The following SYK variants were observed in gnomAD, a reference collection of about 807,000 sequenced individuals.
The protein encoded by SYK is spleen associated tyrosine kinase.
SYK carries 16 observed loss-of-function variants against 77.8 expected under a neutral mutation model. The observed-to-expected ratio is 0.21, with a 90% CI of 0.14 to 0.31. SYK has a LOEUF of 0.31. Ranked by LOEUF, SYK falls within the 10% of genes least tolerant of loss-of-function variation. The pLI is 1.00. For missense variants in SYK, 529 were observed against 814.4 expected (o/e 0.65, Z 4.26); for synonymous variants, 312 against 308.7 (o/e 1.01, Z -0.11).
intron 11 of SYK, among the ~76,000 whole-genome samples, chr9:90,882,870 A>G (rs1205871288): frequency 1.3e-5 from 2 of 152,166 alleles, no homozygotes; most frequent in African/African-American, 2.4e-5. Context: ...GATATGGGGA[A>G]AGCATAAATG....
At chr9:90,890,069 G>A (rs1276612405) in intron 13 of SYK, among the ~76,000 whole-genome samples, 3 of 152,238 alleles carry the variant, frequency 2.0e-5, no homozygotes, top group African/African-American at 7.2e-5. Flanking sequence ...TGAACTCGCA[G>A]TGGGGGAGTT....
rs58774010 is a variant in SYK at position 90,856,539 on chromosome 9, G to A, written c.579-5667G>A. ...TCATTTGTGTCCAATCTGCTCTTACGCTCATTCACTGATTTTTTTTAATTA... is the reference window on the plus strand; with the variant it reads ...TCATTTGTGTCCAATCTGCTCTTACACTCATTCACTGATTTTTTTTAATTA... On this transcript the variant is annotated intron_variant, in intron 3 of 13. Coordinates refer to ENST00000375754, the MANE Select transcript of SYK (RefSeq NM_003177.7). Among the ~76,000 whole-genome samples the A allele has an allele frequency of 4.7e-3, 710 of 149,542 alleles. 48 individuals are homozygous for A. In the East Asian group the frequency reaches 0.13, roughly 26 times the overall value.
At chr9:90,827,976 A>G (rs1027591889) in intron 1 of SYK, among the ~76,000 whole-genome samples, 5 of 46,534 alleles carry the variant, frequency 1.1e-4, no homozygotes, top group African/African-American at 5.9e-4. Flanking sequence ...AAAGAATGCT[A>G]GCGATTTTTT....
At chr9:90,848,023 G>A (rs1206693849) in intron 3 of SYK, among the ~76,000 whole-genome samples, 1 of 152,126 alleles carries the variant, frequency 6.6e-6, no homozygotes, top group African/African-American at 2.4e-5. Context: ...GCTGTTGCTG[G>A]GTGTGTAAAC....
intron 3 of SYK, among the ~76,000 whole-genome samples, chr9:90,847,380 G>C (rs1826639658): frequency 6.8e-6 from 1 of 146,016 alleles, no homozygotes; most frequent in Non-Finnish European, 1.5e-5. Flanking sequence ...CCTCTCCTTA[G>C]TTGTCTTCTT....
intron 9 of SYK, among the ~76,000 whole-genome samples, chr9:90,876,670 G>A (rs558070579): frequency 2.4e-4 from 36 of 152,230 alleles, no homozygotes; most frequent in Admixed American, 6.5e-4. Flanking sequence ...GAGAATTTGG[G>A]GAGAGGAGAG....
At chr9:90,813,394 T>G (rs290233) in intron 1 of SYK, among the ~76,000 whole-genome samples, 100,155 of 151,908 alleles carry the variant, frequency 0.66, 33,319 homozygotes, top group East Asian at 0.83. Flanking sequence ...GTTTACACTT[T>G]TTAATAAAAT....
intron 7 of SYK, among the ~76,000 whole-genome samples, chr9:90,868,588 T>A (rs927224232): frequency 6.6e-6 from 1 of 152,206 alleles, no homozygotes; most frequent in East Asian, 1.9e-4. Context: ...AAAGCAAATA[T>A]AAATAGTTCT....
At chr9:90,833,577 G>A (rs923724794) in intron 1 of SYK, among the ~76,000 whole-genome samples, 1 of 152,202 alleles carries the variant, frequency 6.6e-6, no homozygotes, top group Non-Finnish European at 1.5e-5. Flanking sequence ...GCTCAGGTGT[G>A]AGCATCTGTG....
intron 13 of SYK, among the ~76,000 whole-genome samples, chr9:90,891,312 AT>A (rs1386852141): frequency 6.6e-6 from 1 of 151,638 alleles, no homozygotes; most frequent in Non-Finnish European, 1.5e-5. Context: ...CGCCCAGCTA[AT>A]TTTTTTGTAT....
In SYK at chr9:90,844,099, G is replaced by A. The variant is rs1826480875; in HGVS notation, c.201G>A (p.Glu67=). 1 of 1,613,426 alleles carries A rather than the reference G, an allele frequency of 6.2e-7. No individual in the cohort carries two copies. Among genetic ancestry groups the A allele is most frequent in the Non-Finnish European group, 8.5e-7 (1 of 1,179,698 alleles). ...GGAAGGCACACCACTACACCATCGA[G>A]CGGGAGCTGAATGGCACCTACGCCA... is the stretch of plus-strand genomic sequence containing the variant. ...HGRKAHHYTI[E]RELNGTYAIA... The change falls in exon 2 of 14, where the codon GAG becomes GAA. Residue 67 remains glutamate (E), a synonymous_variant. Transcript: ENST00000375754.
Position 90,807,832 on chromosome 9 carries a change from A to C in SYK, c.-42+5939A>C, listed in dbSNP as rs200292099. On this transcript the variant is annotated intron_variant, in intron 1 of 13. Transcript: ENST00000375754. ...CACCCTCAGTCCCAGCCCTGCCCCC[A>C]GTCCCACTGTTGGGGAGCAGTTGGA... Among the ~76,000 whole-genome samples the C allele has an allele frequency of 1.8e-4, 28 of 152,300 alleles. No homozygotes were observed. In the East Asian group the frequency reaches 5.4e-3, roughly 29 times the overall value.
intron 1 of SYK, among the ~76,000 whole-genome samples, chr9:90,838,550 C>G (rs541604145): frequency 1.3e-5 from 2 of 152,274 alleles, no homozygotes; most frequent in Admixed American, 6.5e-5. Context: ...AGGAGCTCAC[C>G]AGACACCTGA....
chr9:90,817,201 C>G (rs1281357850), intron 1 of SYK, among the ~76,000 whole-genome samples: 1 of 152,156 alleles, frequency 6.6e-6, no homozygotes, highest in African/African-American at 2.4e-5. Context: ...ATTGCACATC[C>G]CTGCTCTAGA....
intron 12 of SYK, 120 bp from the exon 13 acceptor site, chr9:90,888,395 T>C: frequency 1.4e-6 from 1 of 739,694 alleles, no homozygotes; most frequent in Non-Finnish European, 2.1e-6. Flanking sequence ...CCTGTTTTTA[T>C]ACTTCGTATA....
intron 13 of SYK, 64 bp downstream of exon 13, chr9:90,888,691 G>A (rs934737648): frequency 2.0e-5 from 25 of 1,259,236 alleles, no homozygotes; most frequent in Middle Eastern, 1.9e-4. Context: ...ATGGTTGGGC[G>A]TCTAAAAAAA....
At chr9:90,814,866 A>G (rs1005280787) in intron 1 of SYK, among the ~76,000 whole-genome samples, 1 of 9,994 alleles carries the variant, frequency 1.0e-4, no homozygotes, top group Non-Finnish European at 2.9e-4. Context: ...ACACACACAC[A>G]AAATAATGTT....
intron 11 of SYK, 78 bp from the exon 12 acceptor site, chr9:90,887,671 G>C: frequency 6.8e-7 from 1 of 1,468,036 alleles, no homozygotes; most frequent in Non-Finnish European, 9.1e-7. Context: ...CCAAAGTGCT[G>C]GGATTACAGG....
intron 1 of SYK, among the ~76,000 whole-genome samples, chr9:90,822,297 G>C (rs1022786348): frequency 2.0e-5 from 3 of 152,128 alleles, no homozygotes; most frequent in African/African-American, 7.2e-5. Flanking sequence ...AGTTAATTAA[G>C]TCAGCAGATT....
Sources: allele counts gnomAD v4.1 joint callset (sites outside exome capture counted in the v4.1 genomes callset), GRCh38; gene constraint gnomAD v4.1.1; transcripts MANE v1.5; gene names NCBI Gene and HGNC (gene_info 2026-07-23, HGNC 2026-07-21).